Variants in ATXN1L observed in about 807,000 individuals in gnomAD.
The protein encoded by ATXN1L is ataxin 1 like, also known as ataxin-1-like.
A neutral mutation model predicts 43.4 loss-of-function variants in ATXN1L; 8 were observed. That is an observed-to-expected ratio of 0.18 (90% CI 0.11 to 0.33). ATXN1L has a LOEUF of 0.33. Among genes scored for constraint, ATXN1L ranks in the 10% least tolerant of loss-of-function variants. The pLI, the probability that ATXN1L is intolerant of heterozygous loss-of-function variation, is 1.00. For missense variants in ATXN1L, 856 were observed against 885.4 expected, an observed-to-expected ratio of 0.97 and a Z score of 0.42; for synonymous variants, 379 against 360.6, an observed-to-expected ratio of 1.05 and a Z score of -0.58.
chr16:71,856,275 T>G lies in ATXN1L; in HGVS notation c.*4465T>G, dbSNP rs1198847116. ...TCCCTGGTAGATTGCGAACTCAAAG[T>G]TTTGTGATCCCAAAGCCATTCCACT... is the stretch of plus-strand genomic sequence containing the variant. On this transcript the variant is annotated 3_prime_UTR_variant, in exon 3 of 3. Coordinates refer to ENST00000427980, the MANE Select transcript of ATXN1L (RefSeq NM_001137675.4). The G allele has an allele frequency of 6.0e-6, 1 of 167,096 alleles. No individual in the cohort carries two copies. The highest frequency in any genetic ancestry group is 6.5e-5 in the Admixed American group (1 of 15,280). 10.4% of individuals were successfully genotyped at this position (167,096 alleles called of 1,614,324 possible). A position where few individuals can be genotyped will look rare whatever the true frequency, so the allele number is the denominator to read the frequency against.
chr16:71,851,559 A>C lies in ATXN1L; in HGVS notation c.1819A>C (p.Arg607=), dbSNP rs1002889027. The change falls in exon 3 of 3, where the codon AGG becomes CGG. Residue 607 remains arginine, a synonymous_variant. Transcript: ENST00000427980. The surrounding 1 kb of genome is among the most constrained non-coding windows in gnomAD (Gnocchi z 4.9). ...AAGCCAGCTGGGTCCCCCCCGAGAA[A>C]GGCCTGAGAGGACGGTCTTGGGATC... ...PPSQLGPPRE[R]PERTVLGSRE... 1 of 1,551,086 alleles carries C rather than the reference A, an allele frequency of 6.4e-7. No individual in the cohort carries two copies. The highest frequency in any genetic ancestry group is 1.4e-5 in the African/African-American group (1 of 72,846).
At position 71,851,255 on chromosome 16, in the gene ATXN1L, T is replaced by G. The variant is rs1260721996; in HGVS notation, c.1515T>G (p.Ile505Met). 3 of 1,551,584 alleles carry G rather than the reference T, an allele frequency of 1.9e-6. No homozygotes were observed. The highest frequency in any genetic ancestry group is 3.9e-5 in the Admixed American group (2 of 51,004). ...CCGAAGTGAGCGGGGGGCTGAAGAT[T>G]GACTCTAGCACGGTCGTGGACATTC... ...RSAEVSGGLKIDSSTVVDIQE... is the reference protein window; with the variant it reads ...RSAEVSGGLKMDSSTVVDIQE... The change falls in exon 3 of 3, where the codon ATT becomes ATG. Residue 505 changes from isoleucine to methionine, a missense_variant. Ile to Met is a conservative substitution (Grantham distance 10, BLOSUM62 1). Around this residue, in one of 7 missense-constraint regions of ATXN1L, gnomAD observed 54 missense variants for 56.6 expected, o/e 0.95. Coordinates refer to ENST00000427980, the MANE Select transcript of ATXN1L (RefSeq NM_001137675.4). The surrounding 1 kb of genome is among the most constrained non-coding windows in gnomAD (Gnocchi z 4.9).
rs1303805298 is a variant in ATXN1L at position 71,851,508 on chromosome 16, G to C, written c.1768G>C (p.Val590Leu). ...ISLQSLNSNSVSQASCAPPSQ... is the reference protein window; with the variant it reads ...ISLQSLNSNSLSQASCAPPSQ... ...TTTACAGAGCTTGAACAGTAACTCAGTTTCTCAGGCCAGCTGTGCTCCCCC... is the reference window on the plus strand; with the variant it reads ...TTTACAGAGCTTGAACAGTAACTCACTTTCTCAGGCCAGCTGTGCTCCCCC... Residue 590 changes from valine (V) to leucine (L), a missense_variant, in exon 3 of 3, where the codon GTT becomes CTT. Transcript: ENST00000427980. The surrounding 1 kb of genome is among the most constrained non-coding windows in gnomAD (Gnocchi z 4.9). 6.4e-7 allele frequency: 1 copy of C among 1,551,556 alleles called. No individual in the cohort carries two copies. The highest frequency in any genetic ancestry group is 2.0e-5 in the Admixed American group (1 of 50,994).
chr16:71,849,215 TTAAAAAAA>T (rs869265693), intron 2 of ATXN1L, among the ~76,000 whole-genome samples: 26 of 86,052 alleles, frequency 3.0e-4, no homozygotes, highest in South Asian at 4.5e-4. Flanking sequence ...TCCATGTGTT[TTAAAAAAA>T]AAAAAAAAAA....
intron 1 of ATXN1L, among the ~76,000 whole-genome samples, chr16:71,846,628 G>A (rs1192272212): frequency 6.6e-6 from 1 of 152,226 alleles, no homozygotes; most frequent in African/African-American, 2.4e-5. Flanking sequence ...TTGGTTCCGG[G>A]CTCTGCTAGC....
rs528380569 is a variant in ATXN1L at position 71,848,319 on chromosome 16, T to A, written c.-118+248T>A. 4.2e-5 allele frequency: 12 copies of A among 284,142 alleles called. No individual in the cohort carries two copies. The East Asian group carries it at 1.3e-3, about 31-fold the overall frequency. 17.6% of individuals were successfully genotyped at this position (284,142 alleles called of 1,614,324 possible). On this transcript the variant is annotated intron_variant, in intron 2 of 2. Transcript: ENST00000427980. ...AAGGGAAAGAGAACTTTCTTATGAA[T>A]CATACAGATACGGGGAAAAAAACAG...
chr16:71,849,928 TG>T lies in ATXN1L; in HGVS notation c.194del (p.Gly65ValfsTer10). ...GQSQAGARVS[L>X]GGDGAEAITG... ...AGCCAGGCAGGAGCCAGAGTCAGCC[TG>T]GGGGGTGATGGAGCTGAGGCCATCA... is the stretch of plus-strand genomic sequence containing the variant. On this transcript the variant is annotated frameshift_variant, in exon 3 of 3. Coordinates refer to ENST00000427980, the MANE Select transcript of ATXN1L (RefSeq NM_001137675.4). LOFTEE classifies it high-confidence loss of function. 6.4e-7 allele frequency: 1 copy of T among 1,551,182 alleles called. No individual in the cohort carries two copies. The highest frequency in any genetic ancestry group is 8.7e-7 in the Non-Finnish European group (1 of 1,146,646).
In ATXN1L at chr16:71,852,960, C is replaced by A. The variant is rs1341470656; in HGVS notation, c.*1150C>A. 6.0e-6 allele frequency: 1 copy of A among 167,172 alleles called. No individual in the cohort carries two copies. The highest frequency in any genetic ancestry group is 2.4e-5 in the African/African-American group (1 of 41,470). 10.4% of individuals were successfully genotyped at this position (167,172 alleles called of 1,614,324 possible). ...AAATCTCAAAATCATGTCCCCTCCACTTCCACTGCCAAACAGCTTGGTGAA... is the reference window on the plus strand; with the variant it reads ...AAATCTCAAAATCATGTCCCCTCCAATTCCACTGCCAAACAGCTTGGTGAA... On this transcript the variant is annotated 3_prime_UTR_variant, in exon 3 of 3. Transcript: ENST00000427980.
At position 71,854,370 on chromosome 16, in the gene ATXN1L, CTT is replaced by C. The variant is rs1461214783; in HGVS notation, c.*2561_*2562del. On this transcript the variant is annotated 3_prime_UTR_variant, in exon 3 of 3. Coordinates refer to ENST00000427980, the MANE Select transcript of ATXN1L (RefSeq NM_001137675.4). ...GGCCCTGACCTTTCTGTTGCTGTCTCTTGCTGGTGAAGCAATACCAGCAGTTC... is the reference window on the plus strand; with the variant it reads ...GGCCCTGACCTTTCTGTTGCTGTCTCGCTGGTGAAGCAATACCAGCAGTTC... 2 of 167,120 alleles carry C rather than the reference CTT, an allele frequency of 1.2e-5. 1 individual carries two copies. Among genetic ancestry groups the C allele is most frequent in the Non-Finnish European group, 2.9e-5 (2 of 68,132 alleles). The allele number at this position is 167,120 out of a possible 1,614,324, so 10.4% of individuals were successfully genotyped here. A position where few individuals can be genotyped will look rare whatever the true frequency, so the allele number is the denominator to read the frequency against.
rs1042158691 is a variant in ATXN1L, at chr16:71,850,232, C to T, written c.492C>T (p.Ala164=). 12 of 1,551,682 alleles carry T rather than the reference C, an allele frequency of 7.7e-6. No individual in the cohort carries two copies. The highest frequency in any genetic ancestry group is 1.0e-5 in the Non-Finnish European group (12 of 1,146,976). The change falls in exon 3 of 3, where the codon GCC becomes GCT. Residue 164 remains alanine, a synonymous_variant. Transcript: ENST00000427980. ...CGAGTCCCCTCCTATCTCCTTCTGC[C>T]AACCTTGCCACCTCTCACCTTCCAC... is the stretch of plus-strand genomic sequence containing the variant. ...FLPSPLLSPS[A]NLATSHLPHF... is the part of the protein sequence containing the mutation.
chr16:71,851,752 C>T lies in ATXN1L; in HGVS notation c.2012C>T (p.Ser671Phe). Reference sequence around the variant, plus strand: ...GCACGGGCTGCGCTGCTCCGTCCCTCTTTCATTCCACAGGAGGTAAAGCTG... The same window carrying T: ...GCACGGGCTGCGCTGCTCCGTCCCTTTTTCATTCCACAGGAGGTAAAGCTG... ...EEARAALLRP[S>F]FIPQEVKLSI... Residue 671 changes from serine to phenylalanine, a missense_variant, in exon 3 of 3, where the codon TCT becomes TTT. By Grantham distance (155) the Ser-to-Phe change is radical. Around this residue, in one of 7 missense-constraint regions of ATXN1L, gnomAD observed 185 missense variants for 176.8 expected, o/e 1.05. Coordinates refer to ENST00000427980, the MANE Select transcript of ATXN1L (RefSeq NM_001137675.4). The surrounding 1 kb of genome is among the most constrained non-coding windows in gnomAD (Gnocchi z 4.9). 1 of 1,449,844 alleles carries T rather than the reference C, an allele frequency of 6.9e-7. No homozygotes were observed. The highest frequency in any genetic ancestry group is 9.1e-7 in the Non-Finnish European group (1 of 1,097,152). 89.8% of individuals were successfully genotyped at this position (1,449,844 alleles called of 1,614,324 possible).
rs1021724425 is a variant in ATXN1L, at chr16:71,852,220, A to G, written c.*410A>G. On this transcript the variant is annotated 3_prime_UTR_variant, in exon 3 of 3. Coordinates refer to ENST00000427980, the MANE Select transcript of ATXN1L (RefSeq NM_001137675.4). Reference sequence around the variant, plus strand: ...TGATCCACAGCTTATAGTAGCAGTTAAACTGTCAGAAGTTTTTTTTCTTTT... The same window carrying G: ...TGATCCACAGCTTATAGTAGCAGTTGAACTGTCAGAAGTTTTTTTTCTTTT... The G allele has an allele frequency of 5.8e-6, 1 of 172,874 alleles. No individual in the cohort carries two copies. The highest frequency in any genetic ancestry group is 2.4e-5 in the African/African-American group (1 of 41,750). The allele number at this position is 172,874 out of a possible 1,614,324, so 10.7% of individuals were successfully genotyped here.
In ATXN1L at chr16:71,853,594, G is replaced by A. The variant is rs191935044; in HGVS notation, c.*1784G>A. ...ACTTTCGGCAAGTCTCGTGACCTCT[G>A]GCTCTTTCACTTCCTCCCCACCTGC... On this transcript the variant is annotated 3_prime_UTR_variant, in exon 3 of 3. Coordinates refer to ENST00000427980, the MANE Select transcript of ATXN1L (RefSeq NM_001137675.4). 2 of 166,982 alleles carry A rather than the reference G, an allele frequency of 1.2e-5. No homozygotes were observed. Among genetic ancestry groups the A allele is most frequent in the African/African-American group, 4.8e-5 (2 of 41,398 alleles). 10.3% of individuals were successfully genotyped at this position (166,982 alleles called of 1,614,324 possible). A position where few individuals can be genotyped will look rare whatever the true frequency, so the allele number is the denominator to read the frequency against.
rs912764764 is a variant in ATXN1L, at chr16:71,852,678, G to A, written c.*868G>A. 6.0e-6 allele frequency: 1 copy of A among 167,038 alleles called. No individual in the cohort carries two copies. Among genetic ancestry groups the A allele is most frequent in the Non-Finnish European group, 1.5e-5 (1 of 68,206 alleles). The allele number at this position is 167,038 out of a possible 1,614,324, so 10.3% of individuals were successfully genotyped here. ...ATCTCACAGAATCTTGCTGGTAATG[G>A]TGACTTTAGAACTAGTAGACCCTTT... On this transcript the variant is annotated 3_prime_UTR_variant, in exon 3 of 3. Coordinates refer to ENST00000427980, the MANE Select transcript of ATXN1L (RefSeq NM_001137675.4).
chr16:71,851,116 C>T lies in ATXN1L; in HGVS notation c.1376C>T (p.Pro459Leu), dbSNP rs780139575. 18 of 1,551,554 alleles carry T rather than the reference C, an allele frequency of 1.2e-5. No homozygotes were observed. Among genetic ancestry groups the T allele is most frequent in the Non-Finnish European group, 1.4e-5 (16 of 1,146,986 alleles). ...TFPDKEPTPP[P>L]ITSSHLPSHF... Reference sequence around the variant, plus strand: ...CCAGACAAGGAGCCAACGCCGCCCCCCATTACCTCCTCTCACTTGCCTTCC... The same window carrying T: ...CCAGACAAGGAGCCAACGCCGCCCCTCATTACCTCCTCTCACTTGCCTTCC... Residue 459 changes from proline to leucine, a missense_variant, in exon 3 of 3, where the codon CCC becomes CTC. Pro to Leu is a moderately conservative substitution (Grantham distance 98). This residue lies in a region of ATXN1L where 490 missense variants were observed against 449.4 expected (regional missense o/e 1.09). Coordinates refer to ENST00000427980, the MANE Select transcript of ATXN1L (RefSeq NM_001137675.4). The surrounding 1 kb of genome is among the most constrained non-coding windows in gnomAD (Gnocchi z 4.9).
In ATXN1L at chr16:71,850,314, C is replaced by A; in HGVS notation, c.574C>A (p.Pro192Thr). Residue 192 changes from proline (P) to threonine (T), a missense_variant, in exon 3 of 3, where the codon CCC becomes ACC. Physicochemically the swap from Pro to Thr is conservative, Grantham distance 38. Coordinates refer to ENST00000427980, the MANE Select transcript of ATXN1L (RefSeq NM_001137675.4). ...AGGAGCCACTCCTCCCCCACAGGCT[C>A]CCTCCCCGGCCCACTCATTTAACAA... ...AEGATPPPQA[P>T]SPAHSFNKAP... 6.4e-7 allele frequency: 1 copy of A among 1,551,704 alleles called. No individual in the cohort carries two copies. The highest frequency in any genetic ancestry group is 8.7e-7 in the Non-Finnish European group (1 of 1,146,988).
Position 71,849,726 on chromosome 16 carries a change from A to G in ATXN1L, c.-15A>G, listed in dbSNP as rs763071954. On this transcript the variant is annotated 5_prime_UTR_variant, in exon 3 of 3. Coordinates refer to ENST00000427980, the MANE Select transcript of ATXN1L (RefSeq NM_001137675.4). ...AGTCGACTCCTTCCAGGCTCCAGGA[A>G]CACCACAAAGCAATATGAAACCTGT... 3 of 1,475,606 alleles carry G rather than the reference A, an allele frequency of 2.0e-6. No individual in the cohort carries two copies. Among genetic ancestry groups the G allele is most frequent in the East Asian group, 5.0e-5 (2 of 40,156 alleles). The allele number at this position is 1,475,606 out of a possible 1,614,324, so 91.4% of individuals were successfully genotyped here.
rs1377413418 is a variant in ATXN1L, at chr16:71,850,106, C to G, written c.366C>G (p.Ile122Met). The G allele has an allele frequency of 6.4e-7, 1 of 1,551,700 alleles. No individual in the cohort carries two copies. The highest frequency in any genetic ancestry group is 2.0e-5 in the Admixed American group (1 of 51,008). Reference sequence around the variant, plus strand: ...CTTCACTAATTCAACATCCAGGCATCCACTATCCTCCACTCCACTATGCTC... The same window carrying G: ...CTTCACTAATTCAACATCCAGGCATGCACTATCCTCCACTCCACTATGCTC... ...VASSLIQHPG[I>M]HYPPLHYAQL... The change falls in exon 3 of 3, where the codon ATC (isoleucine) becomes ATG (methionine). Residue 122 changes from isoleucine to methionine, a missense_variant. Ile to Met is a conservative substitution (Grantham distance 10). Coordinates refer to ENST00000427980, the MANE Select transcript of ATXN1L (RefSeq NM_001137675.4).
In ATXN1L at chr16:71,850,791, G is replaced by T. The variant is rs1369469540; in HGVS notation, c.1051G>T (p.Val351Leu). ...VGALASQDYR[V>L]VAAQRKEEPS... Reference sequence around the variant, plus strand: ...CGCTTTAGCTTCTCAGGACTATCGTGTGGTGGCAGCTCAGAGGAAGGAGGA... The same window carrying T: ...CGCTTTAGCTTCTCAGGACTATCGTTTGGTGGCAGCTCAGAGGAAGGAGGA... Residue 351 changes from valine to leucine, a missense_variant, in exon 3 of 3, where the codon GTG (valine) becomes TTG (leucine). Coordinates refer to ENST00000427980, the MANE Select transcript of ATXN1L (RefSeq NM_001137675.4). The T allele has an allele frequency of 1.3e-6, 2 of 1,551,608 alleles. No homozygotes were observed. Among genetic ancestry groups the T allele is most frequent in the Non-Finnish European group, 8.7e-7 (1 of 1,147,000 alleles).
Sources: allele counts gnomAD v4.1 joint callset (sites outside exome capture counted in the v4.1 genomes callset), GRCh38; gene constraint gnomAD v4.1.1; regional missense constraint gnomAD v4.1.1; non-coding constraint Gnocchi (gnomAD v3.1); transcripts MANE v1.5; gene names NCBI Gene and HGNC (gene_info 2026-07-23, HGNC 2026-07-21).